CCSER1: variants seen among roughly 807,000 people sequenced by gnomAD.
CCSER1 encodes coiled-coil serine rich protein 1, also known as serine-rich coiled-coil domain-containing protein 1.
CCSER1 carries 41 observed loss-of-function variants against 82.0 expected under a neutral mutation model. The ratio of observed to expected loss-of-function variants is 0.50; its 90% CI spans 0.39 to 0.65. The LOEUF (loss-of-function observed/expected upper bound fraction) is 0.65, where lower values mean the gene tolerates loss of function less well. CCSER1 is among the 30% of genes least tolerant of loss of function. The probability of loss-of-function intolerance (pLI) is 0.00; values close to 1 mark genes in which losing one functional copy is unlikely to be tolerated. For missense variants in CCSER1, 1,119 were observed against 1,064.2 expected (o/e 1.05, Z -0.72); for synonymous variants, 414 against 383.9 (o/e 1.08, Z -0.92).
chr4:90,137,650 T>C (rs141269793), intron 1 of CCSER1, among the ~76,000 whole-genome samples: 65 of 152,314 alleles, frequency 4.3e-4, no homozygotes, highest in Admixed American at 8.5e-4. Flanking sequence ...CAAAACAGAT[T>C]AGTAAATTTG....
intron 10 of CCSER1, among the ~76,000 whole-genome samples, chr4:91,209,684 G>T (rs1035566872): frequency 6.6e-6 from 1 of 151,698 alleles, no homozygotes. Context: ...TTTCTTTGTT[G>T]TGTCTCTCCC....
rs961884242 is a variant in CCSER1, at chr4:91,145,924, G to A, written c.2217+59930G>A. Among the ~76,000 whole-genome samples, 4 of 152,112 alleles carry A rather than the reference G, an allele frequency of 2.6e-5. No individual in the cohort carries two copies. The East Asian group carries it at 7.7e-4, about 29-fold the overall frequency. On this transcript the variant is annotated intron_variant, in intron 10 of 10. Transcript: ENST00000509176. ...TGACCTTCAAAAGTCTGATGACTAT[G>A]TGTCTTGGGGATGTTCGTCTGATAT...
chr4:90,457,630 T>C (rs1431557561), intron 4 of CCSER1, among the ~76,000 whole-genome samples: 1 of 152,138 alleles, frequency 6.6e-6, no homozygotes, highest in Admixed American at 6.5e-5. Context: ...GTTGTCCTAA[T>C]GTCTCTACAA....
intron 10 of CCSER1, among the ~76,000 whole-genome samples, chr4:91,451,165 CA>C (rs1755852031): frequency 6.6e-6 from 1 of 151,938 alleles, no homozygotes; most frequent in Admixed American, 6.6e-5. Flanking sequence ...TTTATAAAAT[CA>C]AAAATCCCAT....
At chr4:90,240,155 C>T (rs572969901) in intron 1 of CCSER1, among the ~76,000 whole-genome samples, 7 of 152,200 alleles carry the variant, frequency 4.6e-5, no homozygotes, top group South Asian at 2.1e-4. Flanking sequence ...GGCAAGCTGG[C>T]GGCCAGTAGA....
At chr4:91,168,213 C>A (rs1732341689) in intron 10 of CCSER1, among the ~76,000 whole-genome samples, 1 of 146,106 alleles carries the variant, frequency 6.8e-6, no homozygotes, top group African/African-American at 2.6e-5. Context: ...CTCTGCCCGG[C>A]CGCCCCGTCT....
At chr4:91,290,939 AT>A (rs1394115333) in intron 10 of CCSER1, among the ~76,000 whole-genome samples, 53 of 152,036 alleles carry the variant, frequency 3.5e-4, no homozygotes, top group Non-Finnish European at 5.9e-5. Context: ...TTCCTTTTAA[AT>A]AATTAATGAG....
intron 10 of CCSER1, among the ~76,000 whole-genome samples, chr4:91,087,253 C>T (rs185090050): frequency 6.6e-6 from 1 of 152,072 alleles, no homozygotes; most frequent in African/African-American, 2.4e-5. Context: ...TACTCGGCTT[C>T]TCCTTGCTGC....
intron 10 of CCSER1, among the ~76,000 whole-genome samples, chr4:91,477,744 C>T (rs1322528769): frequency 6.6e-6 from 1 of 151,488 alleles, no homozygotes; most frequent in African/African-American, 2.4e-5. Flanking sequence ...TGTGGCTTTC[C>T]AAAGGTGAAA....
intron 4 of CCSER1, among the ~76,000 whole-genome samples, chr4:90,465,616 C>T (rs28421556): frequency 3.2e-3 from 486 of 152,026 alleles, no homozygotes; most frequent in African/African-American, 0.011. Context: ...AAATTAATCA[C>T]GGGGAGACAA....
At chr4:91,532,376 T>TA (rs199816906) in intron 10 of CCSER1, among the ~76,000 whole-genome samples, 2,001 of 152,324 alleles carry the variant, frequency 0.013, 31 homozygotes, top group African/African-American at 0.044. Context: ...TTCATCTAGC[T>TA]ATAAATATAG....
At chr4:91,072,892 A>G (rs972244855) in intron 9 of CCSER1, among the ~76,000 whole-genome samples, 2 of 152,122 alleles carry the variant, frequency 1.3e-5, no homozygotes, top group African/African-American at 4.8e-5. Flanking sequence ...TCAGACTCAA[A>G]ATGTAAATAT....
At chr4:90,632,112 C>T (rs894259933) in intron 6 of CCSER1, among the ~76,000 whole-genome samples, 11 of 152,048 alleles carry the variant, frequency 7.2e-5, no homozygotes, top group Admixed American at 3.9e-4. Flanking sequence ...TAAGCATTAA[C>T]GCTGAGATCT....
In CCSER1 at chr4:90,939,737, A is replaced by G. The variant is rs143382849; in HGVS notation, c.2172+16290A>G. On this transcript the variant is annotated intron_variant, in intron 9 of 10. Transcript: ENST00000509176. ...TTATTTCAATCATTATGTAACATGT[A>G]TTATGAATCATAAATGCTGGGTGCA... 9.0e-3 allele frequency among the ~76,000 whole-genome samples: 1,368 copies of G among 152,288 alleles called. 8 individuals are homozygous for G. Among genetic ancestry groups the G allele is most frequent in the Non-Finnish European group, 0.015 (1,002 of 68,014 alleles).
chr4:90,892,976 A>C (rs1172062752), intron 8 of CCSER1, among the ~76,000 whole-genome samples: 1 of 152,038 alleles, frequency 6.6e-6, no homozygotes, highest in Admixed American at 6.6e-5. Flanking sequence ...GAGGGCATTT[A>C]TTTTGTTCAG....
chr4:91,496,601 T>C (rs1490652186), intron 10 of CCSER1, among the ~76,000 whole-genome samples: 3,793 of 20,328 alleles, frequency 0.19, 1,275 homozygotes, highest in Non-Finnish European at 0.3. Flanking sequence ...AATATATATT[T>C]GAATATATAT....
chr4:91,598,641 A>T lies in CCSER1; in HGVS notation c.2287A>T (p.Thr763Ser). 1 of 1,551,550 alleles carries T rather than the reference A, an allele frequency of 6.4e-7. No individual in the cohort carries two copies. Among genetic ancestry groups the T allele is most frequent in the South Asian group, 1.2e-5 (1 of 84,058 alleles). The change falls in exon 11 of 11, where the codon ACC (threonine) becomes TCC (serine). Residue 763 changes from threonine to serine, a missense_variant. Physicochemically the swap from Thr to Ser is moderately conservative, Grantham distance 58. Coordinates refer to ENST00000509176, the MANE Select transcript of CCSER1 (RefSeq NM_001145065.2). ...GGACAGAAAAGCAATACATACTCCC[A>T]CCGAGGACCGTTTTAGGTATTCGGC... ...TRDRKAIHTP[T>S]EDRFRYSAAD...
intron 3 of CCSER1, among the ~76,000 whole-genome samples, chr4:90,317,877 T>A (rs1385575725): frequency 6.6e-6 from 1 of 152,214 alleles, no homozygotes; most frequent in East Asian, 1.9e-4. Flanking sequence ...CTCACTTTCT[T>A]CTGCTCACAA....
chr4:91,162,873 A>G (rs1198855406), intron 10 of CCSER1, among the ~76,000 whole-genome samples: 1 of 152,098 alleles, frequency 6.6e-6, no homozygotes, highest in African/African-American at 2.4e-5. Context: ...GATCTTTTCA[A>G]AAAACCAGCT....
Sources: allele counts gnomAD v4.1 joint callset (sites outside exome capture counted in the v4.1 genomes callset), GRCh38; gene constraint gnomAD v4.1.1; transcripts MANE v1.5; gene names NCBI Gene and HGNC (gene_info 2026-07-23, HGNC 2026-07-21).